Variants in LHX4 observed in about 807,000 individuals in gnomAD.
LHX4 encodes LIM/homeobox protein Lhx4.
In LHX4, 16 loss-of-function variants were observed where a neutral mutation model predicts 39.2. That is an observed-to-expected ratio of 0.41 (90% CI 0.28 to 0.62). The LOEUF is 0.62. Among genes scored for constraint, LHX4 ranks in the 20% least tolerant of loss-of-function variants. LHX4 has a pLI of 0.33. For missense variants in LHX4, 439 were observed against 511.9 expected (o/e 0.86, Z 1.37); for synonymous variants, 206 against 198.1 (o/e 1.04, Z -0.33).
At chr1:180,248,604 C>A in intron 2 of LHX4, 148 bp downstream of exon 2, 1 of 810,550 alleles carries the variant, frequency 1.2e-6, no homozygotes, top group Non-Finnish European at 2.1e-6. Context: ...GAGGATGCCC[C>A]TTGTTGAGGT....
chr1:180,247,440 A>G (rs1379731066), intron 1 of LHX4, among the ~76,000 whole-genome samples: 8 of 152,132 alleles, frequency 5.3e-5, no homozygotes, highest in Admixed American at 5.2e-4. Flanking sequence ...TTCTGCTGTG[A>G]CTGATCAGGA....
chr1:180,264,643 T>C (rs1648244393), intron 2 of LHX4, among the ~76,000 whole-genome samples: 3 of 152,246 alleles, frequency 2.0e-5, no homozygotes, highest in Admixed American at 6.5e-5. Context: ...TCTACTTTCC[T>C]GGGTCCTGAA....
chr1:180,258,963 T>C (rs371310232), intron 2 of LHX4, among the ~76,000 whole-genome samples: 2 of 152,120 alleles, frequency 1.3e-5, no homozygotes, highest in African/African-American at 4.8e-5. Flanking sequence ...TGGGAAGGGC[T>C]ATGGGAGGAG....
chr1:180,230,195 G>A, upstream of LHX4: 1 of 416,834 alleles, frequency 2.4e-6, no homozygotes, highest in Non-Finnish European at 4.4e-6. This position sits in a 1 kb window ranked among gnomAD's most constrained non-coding sequence, Gnocchi z 5.8. Flanking sequence ...GGCCTCCCGG[G>A]CGGCCGGCAC....
intron 2 of LHX4, among the ~76,000 whole-genome samples, chr1:180,256,071 G>A (rs1647843905): frequency 6.6e-6 from 1 of 152,234 alleles, no homozygotes. Flanking sequence ...CCATTCAGGT[G>A]CCATGCCATG....
chr1:180,255,691 G>A (rs1647826333), intron 2 of LHX4, among the ~76,000 whole-genome samples: 1 of 152,230 alleles, frequency 6.6e-6, no homozygotes, highest in Non-Finnish European at 1.5e-5. Context: ...CAGGGACCGA[G>A]GCTGTAAATC....
chr1:180,229,602 G>A (rs1664113745), upstream of LHX4, among the ~76,000 whole-genome samples: 1 of 152,124 alleles, frequency 6.6e-6, no homozygotes, highest in African/African-American at 2.4e-5. Flanking sequence ...CGGCAGGAAA[G>A]GAATTGGCCA....
In LHX4 at chr1:180,278,903, GT is replaced by G. The variant is rs1176525309; in HGVS notation, c.*4327del. 1 of 152,102 alleles carries G rather than the reference GT, an allele frequency of 6.6e-6. No individual in the cohort carries two copies. The highest frequency in any genetic ancestry group is 1.9e-4 in the East Asian group (1 of 5,198). 9.4% of individuals were successfully genotyped at this position (152,102 alleles called of 1,614,324 possible). A position where few individuals can be genotyped will look rare whatever the true frequency, so the allele number is the denominator to read the frequency against. Reference sequence around the variant, plus strand: ...GACTTTGGAAAACAGAAGCTGGTGCGTTTGTTTGTATATGCCTCCTGTGTGT... The same window carrying G: ...GACTTTGGAAAACAGAAGCTGGTGCGTTGTTTGTATATGCCTCCTGTGTGT... On this transcript the variant is annotated 3_prime_UTR_variant, in exon 6 of 6. Coordinates refer to ENST00000263726, the MANE Select transcript of LHX4 (RefSeq NM_033343.4).
At position 180,234,220 on chromosome 1, in the gene LHX4, T is replaced by TATATATAA. The variant is rs1389328209; in HGVS notation, c.76+3616_76+3617insTATATAAA. Among the ~76,000 whole-genome samples, 109 of 70,188 alleles carry TATATATAA rather than the reference T, an allele frequency of 1.6e-3. 7 individuals are homozygous for TATATATAA. The highest frequency in any genetic ancestry group is 3.6e-3 in the African/African-American group (47 of 13,238). The allele number at this position is 70,188 out of a possible 152,430, so 46.0% of individuals were successfully genotyped here. A position where few individuals can be genotyped will look rare whatever the true frequency, so the allele number is the denominator to read the frequency against. ...ATATATATATATATATATATATATATAATAGATTGAGATTCTATCATATTC... is the reference window on the plus strand; with the variant it reads ...ATATATATATATATATATATATATATATATATAAAATAGATTGAGATTCTATCATATTC... On this transcript the variant is annotated intron_variant, in intron 1 of 5. Transcript: ENST00000263726. This position sits in a 1 kb window ranked among gnomAD's most constrained non-coding sequence, Gnocchi z 4.8.
rs560866263 is a variant in LHX4, at chr1:180,255,267, G to A, written c.248+6811G>A. On this transcript the variant is annotated intron_variant, in intron 2 of 5. Transcript: ENST00000263726. The stretch of plus-strand genomic sequence containing the variant: ...CAGTGTGGAGTCAGACTTTTGCTGA[G>A]CCACTTATTATTTCTGATAACCACA... 2.0e-5 allele frequency among the ~76,000 whole-genome samples: 3 copies of A among 152,374 alleles called. No individual in the cohort carries two copies. The East Asian group carries it at 5.8e-4, about 29-fold the overall frequency.
intron 2 of LHX4, among the ~76,000 whole-genome samples, chr1:180,258,507 C>T (rs748022170): frequency 2.2e-4 from 33 of 152,244 alleles, no homozygotes; most frequent in South Asian, 2.1e-4. Flanking sequence ...CCCACTGTGG[C>T]GACCATGTGC....
At chr1:180,254,047 C>T (rs1647740108) in intron 2 of LHX4, among the ~76,000 whole-genome samples, 1 of 152,202 alleles carries the variant, frequency 6.6e-6, no homozygotes, top group Admixed American at 6.5e-5. Context: ...AACGTTCCTA[C>T]ACGTTTGTAA....
At position 180,274,718 on chromosome 1, in the gene LHX4, C is replaced by G; in HGVS notation, c.*139C>G. 9.4e-7 allele frequency: 1 copy of G among 1,060,938 alleles called. No homozygotes were observed. The highest frequency in any genetic ancestry group is 1.3e-6 in the Non-Finnish European group (1 of 746,470). The allele number at this position is 1,060,938 out of a possible 1,614,324, so 65.7% of individuals were successfully genotyped here. On this transcript the variant is annotated 3_prime_UTR_variant, in exon 6 of 6. Coordinates refer to ENST00000263726, the MANE Select transcript of LHX4 (RefSeq NM_033343.4). ...TTCAATGGAAGTCCTCCGCTGATTC[C>G]TAGAAGGCTGTGAGACCACACTAGG...
At chr1:180,265,763 A>G (rs923386456) in intron 2 of LHX4, among the ~76,000 whole-genome samples, 7 of 152,280 alleles carry the variant, frequency 4.6e-5, no homozygotes, top group African/African-American at 1.7e-4. Flanking sequence ...GTGCATAGGA[A>G]GGGGATGGAG....
chr1:180,229,390 C>T (rs1230132154), upstream of LHX4, among the ~76,000 whole-genome samples: 1 of 152,152 alleles, frequency 6.6e-6, no homozygotes, highest in African/African-American at 2.4e-5. Flanking sequence ...CAAGTGCGGA[C>T]TCCGGCTGCA....
upstream of LHX4, among the ~76,000 whole-genome samples, chr1:180,229,984 T>G: frequency 5.9e-5 from 5 of 84,908 alleles, no homozygotes; most frequent in East Asian, 3.3e-4. Flanking sequence ...GGTGCCGGCT[T>G]GCGAGGCCCC....
In LHX4 at chr1:180,274,221, G is replaced by C. The variant is rs746499170; in HGVS notation, c.815G>C (p.Arg272Thr). ...QILSELGHTN[R>T]IYGNVGDVTG... Reference sequence around the variant, plus strand: ...CTCTCAGAACTTGGCCACACCAATAGGATTTATGGCAACGTGGGGGACGTT... The same window carrying C: ...CTCTCAGAACTTGGCCACACCAATACGATTTATGGCAACGTGGGGGACGTT... The change falls in exon 6 of 6, where the codon AGG becomes ACG. Residue 272 changes from arginine to threonine, a missense_variant. Transcript: ENST00000263726. 3 of 1,614,230 alleles carry C rather than the reference G, an allele frequency of 1.9e-6. No homozygotes were observed. The highest frequency in any genetic ancestry group is 2.5e-6 in the Non-Finnish European group (3 of 1,180,038).
intron 2 of LHX4, among the ~76,000 whole-genome samples, chr1:180,259,530 G>A (rs1176058369): frequency 6.6e-6 from 1 of 151,536 alleles, no homozygotes; most frequent in Non-Finnish European, 1.5e-5. Context: ...GTCCAAGCCG[G>A]GCTTCCCTCT....
chr1:180,248,354 A>G lies in LHX4; in HGVS notation c.146A>G (p.His49Arg), dbSNP rs368995644. The change falls in exon 2 of 6, where the codon CAC becomes CGC. Residue 49 changes from histidine to arginine, a missense_variant. Transcript: ENST00000263726. ...DKFILKVLDR[H>R]WHSSCLKCAD... ...TTCATCCTGAAGGTCCTGGACAGACACTGGCACAGCTCCTGCCTCAAGTGT... is the reference window on the plus strand; with the variant it reads ...TTCATCCTGAAGGTCCTGGACAGACGCTGGCACAGCTCCTGCCTCAAGTGT... 89 of 1,614,102 alleles carry G rather than the reference A, an allele frequency of 5.5e-5. No individual in the cohort carries two copies. The highest frequency in any genetic ancestry group is 9.3e-6 in the Non-Finnish European group (11 of 1,180,038).
Sources: allele counts gnomAD v4.1 joint callset (sites outside exome capture counted in the v4.1 genomes callset), GRCh38; gene constraint gnomAD v4.1.1; non-coding constraint Gnocchi (gnomAD v3.1); transcripts MANE v1.5; gene names NCBI Gene and HGNC (gene_info 2026-07-23, HGNC 2026-07-21).